Variants in GRID1 observed in about 807,000 individuals in gnomAD.
GRID1 encodes the protein glutamate receptor ionotropic, delta-1.
GRID1 carries 28 observed loss-of-function variants against 98.0 expected under a neutral mutation model. That is an observed-to-expected ratio of 0.29 (90% confidence interval 0.21 to 0.39). GRID1 has a LOEUF of 0.39. GRID1 is among the 10% of genes least tolerant of loss of function. The pLI, the probability that GRID1 is intolerant of heterozygous loss-of-function variation, is 1.00. For synonymous variants in GRID1, 553 were observed against 538.5 expected, an observed-to-expected ratio of 1.03 and a Z score of -0.37; for missense variants, 1,111 against 1,340.5, an observed-to-expected ratio of 0.83 and a Z score of 2.67.
At chr10:85,614,970 A>T (rs72841440) in intron 14 of GRID1, among the ~76,000 whole-genome samples, 22,180 of 152,168 alleles carry the variant, frequency 0.15, 1,805 homozygotes, top group African/African-American at 0.19. Flanking sequence ...TTTTCGACTG[A>T]TATCATCAGT....
At chr10:85,792,129 T>C (rs1301744481) in intron 8 of GRID1, among the ~76,000 whole-genome samples, 1 of 152,158 alleles carries the variant, frequency 6.6e-6, no homozygotes, top group Non-Finnish European at 1.5e-5. Context: ...CAAATCCTCC[T>C]GCCACAGGCC....
At chr10:86,292,564 G>T (rs77246079) in intron 2 of GRID1, among the ~76,000 whole-genome samples, 2,715 of 152,336 alleles carry the variant, frequency 0.018, 48 homozygotes, top group South Asian at 0.063. Context: ...GCAATCTGCT[G>T]CCCTGAGGCT....
At chr10:85,832,688 A>G (rs1842878156) in intron 8 of GRID1, among the ~76,000 whole-genome samples, 1 of 152,190 alleles carries the variant, frequency 6.6e-6, no homozygotes, top group South Asian at 2.1e-4. Flanking sequence ...GCGCTAGAGG[A>G]AAAACATAGT....
At chr10:86,255,364 C>T (rs779537376) in intron 2 of GRID1, among the ~76,000 whole-genome samples, 1 of 152,190 alleles carries the variant, frequency 6.6e-6, no homozygotes, top group Non-Finnish European at 1.5e-5. Flanking sequence ...GGGACATTAA[C>T]AAGTAACTGA....
intron 8 of GRID1, among the ~76,000 whole-genome samples, chr10:85,828,213 C>T (rs11819296): frequency 0.085 from 13,005 of 152,120 alleles, 710 homozygotes; most frequent in Middle Eastern, 0.16. Flanking sequence ...AATTAAGCAA[C>T]AAATCAAGAA....
intron 12 of GRID1, among the ~76,000 whole-genome samples, chr10:85,700,191 A>C (rs1841435694): frequency 6.6e-6 from 1 of 152,178 alleles, no homozygotes; most frequent in Non-Finnish European, 1.5e-5. Flanking sequence ...GTAACTTTAT[A>C]AACTCTAACA....
chr10:86,143,611 C>T (rs919955757), intron 3 of GRID1, among the ~76,000 whole-genome samples: 5 of 152,208 alleles, frequency 3.3e-5, no homozygotes, highest in Non-Finnish European at 7.3e-5. Context: ...ACCAATGCAG[C>T]TTCCACCAAC....
chr10:85,888,609 G>A (rs991227239), intron 5 of GRID1, among the ~76,000 whole-genome samples: 5 of 152,256 alleles, frequency 3.3e-5, no homozygotes, highest in South Asian at 2.1e-4. Context: ...ACAGTGACTC[G>A]AGCTCCTCTG....
rs116610478 is a variant in GRID1, at chr10:86,075,502, C to T, written c.726+63317G>A. Among the ~76,000 whole-genome samples, 1,156 of 151,922 alleles carry T rather than the reference C, an allele frequency of 7.6e-3. 15 individuals carry two copies. Among genetic ancestry groups the T allele is most frequent in the African/African-American group, 0.027 (1,122 of 41,490 alleles). ...TCAGAAGGAACCAATCCTGCCAACA[C>T]CTTGATCTTGAACTTCCAACCTCCA... On this transcript the variant is annotated intron_variant, in intron 4 of 15. Coordinates refer to ENST00000327946, the MANE Select transcript of GRID1 (RefSeq NM_017551.3).
chr10:86,053,405 T>C (rs985474603), intron 4 of GRID1, among the ~76,000 whole-genome samples: 4 of 151,700 alleles, frequency 2.6e-5, no homozygotes, highest in Non-Finnish European at 4.4e-5. Flanking sequence ...TCACCCAGAC[T>C]AGAGTGCAGT....
intron 8 of GRID1, among the ~76,000 whole-genome samples, chr10:85,764,110 C>T (rs2132701654): frequency 1.3e-5 from 2 of 152,278 alleles, no homozygotes; most frequent in African/African-American, 4.8e-5. Context: ...GGATGATGAG[C>T]CCCTGAAGTG....
chr10:85,757,390 C>T (rs1227740168), intron 8 of GRID1, among the ~76,000 whole-genome samples: 1 of 152,224 alleles, frequency 6.6e-6, no homozygotes, highest in Non-Finnish European at 1.5e-5. Flanking sequence ...CCAATCTGCA[C>T]ATGGGTGGAG....
intron 8 of GRID1, among the ~76,000 whole-genome samples, chr10:85,742,619 T>G (rs1841955285): frequency 6.6e-6 from 1 of 152,178 alleles, no homozygotes; most frequent in South Asian, 2.1e-4. Context: ...CGCATTATGC[T>G]TACCCATTTT....
chr10:86,280,509 C>T (rs1030848727), intron 2 of GRID1, among the ~76,000 whole-genome samples: 1 of 152,182 alleles, frequency 6.6e-6, no homozygotes, highest in Non-Finnish European at 1.5e-5. Flanking sequence ...AACATGGAGA[C>T]ATTCATTATG....
At chr10:85,620,445 G>A (rs1473589196) in intron 13 of GRID1, among the ~76,000 whole-genome samples, 2 of 151,352 alleles carry the variant, frequency 1.3e-5, no homozygotes, top group South Asian at 2.1e-4. Context: ...TTGGGGATGA[G>A]GAATAGGGGA....
chr10:85,995,453 G>T (rs1342401041), intron 4 of GRID1, among the ~76,000 whole-genome samples: 4 of 152,278 alleles, frequency 2.6e-5, no homozygotes, highest in East Asian at 1.9e-4. Flanking sequence ...CTATGCAAGG[G>T]GAAAATGTTC....
chr10:86,312,785 C>T (rs971413780), intron 2 of GRID1, among the ~76,000 whole-genome samples: 1 of 152,214 alleles, frequency 6.6e-6, no homozygotes, highest in African/African-American at 2.4e-5. Flanking sequence ...GTGAACAGAG[C>T]CTGGAGTGTG....
intron 3 of GRID1, among the ~76,000 whole-genome samples, chr10:86,187,226 T>C (rs1418178765): frequency 1.3e-5 from 2 of 152,092 alleles, no homozygotes; most frequent in African/African-American, 4.8e-5. Context: ...CATTTCCTCA[T>C]TGGTAAAATT....
At chr10:85,709,468 A>G (rs1841559507) in intron 12 of GRID1, among the ~76,000 whole-genome samples, 1 of 152,238 alleles carries the variant, frequency 6.6e-6, no homozygotes. Context: ...CATACAACAT[A>G]TAGGGCAATA....
Sources: gnomAD v4.1 joint callset for allele counts (sites outside exome capture counted in the v4.1 genomes callset) on GRCh38, gnomAD v4.1.1 for gene constraint, MANE v1.5 for transcripts, NCBI Gene and HGNC (gene_info 2026-07-23, HGNC 2026-07-21) for gene names.